Variants in DKKL1 observed in about 807,000 individuals in gnomAD.
The protein encoded by DKKL1 is dickkopf-like protein 1.
In DKKL1, 11 loss-of-function variants were observed where a neutral mutation model predicts 16.5. The observed-to-expected ratio is 0.67, with a 90% CI of 0.42 to 1.10. The LOEUF is 1.10. DKKL1 is among the 50% of genes least tolerant of loss of function. The pLI is 0.00. For synonymous variants in DKKL1, 119 were observed against 133.2 expected, an observed-to-expected ratio of 0.89 and a Z score of 0.73; for missense variants, 320 against 308.1, an observed-to-expected ratio of 1.04 and a Z score of -0.29.
chr19:49,360,727 AGAGAGGGG>A (rs1972791460), upstream of DKKL1, among the ~76,000 whole-genome samples: 1 of 135,860 alleles, frequency 7.4e-6, no homozygotes, highest in African/African-American at 2.8e-5. Context: ...GGAGGTCTAG[AGAGAGGGG>A]GACAGAGACC....
At position 49,363,978 on chromosome 19, in the gene DKKL1, G is replaced by T. The variant is rs747189365; in HGVS notation, c.-21G>T. 3.9e-5 allele frequency: 63 copies of T among 1,613,014 alleles called. No individual in the cohort carries two copies. The South Asian group carries it at 6.5e-4, about 17-fold the overall frequency. ...GGCTGTGGTCTAGCATAAAGGCGGA[G>T]CCCAGAAGAAGGGGCGGGGTATGGG... On this transcript the variant is annotated 5_prime_UTR_variant, in exon 1 of 5. Coordinates refer to ENST00000221498, the MANE Select transcript of DKKL1 (RefSeq NM_014419.4).
In DKKL1 at chr19:49,374,855, G is replaced by A. The variant is rs147961814; in HGVS notation, c.556G>A (p.Gly186Ser). Residue 186 changes from glycine to serine, a missense_variant, in exon 5 of 5, where the codon GGC becomes AGC. Gly to Ser is a moderately conservative substitution (Grantham distance 56). Coordinates refer to ENST00000221498, the MANE Select transcript of DKKL1 (RefSeq NM_014419.4). Reference sequence around the variant, plus strand: ...GAGGTCCCACCAGGATGCCCTGGAGGGCGGCCACTGGCTCAGCGAGAAGCG... The same window carrying A: ...GAGGTCCCACCAGGATGCCCTGGAGAGCGGCCACTGGCTCAGCGAGAAGCG... The part of the protein sequence containing the change: ...RRRSHQDALE[G>S]GHWLSEKRHR... 62 of 1,613,814 alleles carry A rather than the reference G, an allele frequency of 3.8e-5. 1 individual carries two copies. In the African/African-American group the frequency reaches 7.6e-4, roughly 20 times the overall value.
At chr19:49,362,113 C>T (rs1600816888), upstream of DKKL1, among the ~76,000 whole-genome samples, 1 of 152,284 alleles carries the variant, frequency 6.6e-6, no homozygotes, top group East Asian at 1.9e-4. Flanking sequence ...CACACCCCGC[C>T]AGCGCCCTTG....
chr19:49,366,896 C>T (rs1309936283), intron 4 of DKKL1, among the ~76,000 whole-genome samples: 5 of 151,814 alleles, frequency 3.3e-5, no homozygotes, highest in East Asian at 1.9e-4. Context: ...TTAGTAGAGA[C>T]GGGGTTTCGC....
At chr19:49,369,538 G>A (rs1973392076) in intron 4 of DKKL1, 1 of 152,156 alleles carries the variant, frequency 6.6e-6, no homozygotes, top group Non-Finnish European at 1.5e-5. Flanking sequence ...CTGGCTTAGA[G>A]AACCAGGAGA....
rs555988882 is a variant in DKKL1 at position 49,372,494 on chromosome 19, C to G, written c.418-2223C>G. ...AGATCATGAGATCAGGATATCAAGA[C>G]CATCCTGGCTAATGCGGTGAAATCC... On this transcript the variant is annotated intron_variant, in intron 4 of 4. Transcript: ENST00000221498. Among the ~76,000 whole-genome samples the G allele has an allele frequency of 2.6e-5, 4 of 151,172 alleles. No individual in the cohort carries two copies. The South Asian group carries it at 6.3e-4, about 24-fold the overall frequency.
chr19:49,363,871 T>C (rs1973123164), upstream of DKKL1: 11 of 1,375,058 alleles, frequency 8.0e-6, no homozygotes, highest in South Asian at 1.3e-5. Flanking sequence ...ACCAACGCTC[T>C]AGACCAGACC....
At chr19:49,372,988 C>T (rs142315297) in intron 4 of DKKL1, among the ~76,000 whole-genome samples, 5,257 of 150,242 alleles carry the variant, frequency 0.035, 281 homozygotes, top group African/African-American at 0.12. Context: ...GCAACAAGAG[C>T]GAAACTCCAT....
chr19:49,375,003 T>A lies in DKKL1; in HGVS notation c.704T>A (p.Ile235Asn). The A allele has an allele frequency of 1.2e-6, 2 of 1,610,588 alleles. No individual in the cohort carries two copies. ...CCCCGAAAGACCCACTTACTGTACA[T>A]CCTCAGGCCCTCTCGGCAGCTGTAG... is the stretch of plus-strand genomic sequence containing the variant. ...LSPRKTHLLYILRPSRQL is the reference protein window; with the variant it reads ...LSPRKTHLLYNLRPSRQL The change falls in exon 5 of 5, where the codon ATC (isoleucine) becomes AAC (asparagine). Residue 235 changes from isoleucine (I) to asparagine (N), a missense_variant. Transcript: ENST00000221498.
chr19:49,365,569 C>G lies in DKKL1; in HGVS notation c.244C>G (p.Pro82Ala). Residue 82 changes from proline to alanine, a missense_variant, in exon 3 of 5, where the codon CCT (proline) becomes GCT (alanine). Coordinates refer to ENST00000221498, the MANE Select transcript of DKKL1 (RefSeq NM_014419.4). ...TGCCCCCATGGACTTCCGGGGCCTC[C>G]CTGGGAACTACCACAAAGAGGAGAA... ...FSAPMDFRGL[P>A]GNYHKEENQE... 1.2e-6 allele frequency: 2 copies of G among 1,613,930 alleles called. No individual in the cohort carries two copies. Among genetic ancestry groups the G allele is most frequent in the Non-Finnish European group, 1.7e-6 (2 of 1,179,936 alleles).
intron 4 of DKKL1, among the ~76,000 whole-genome samples, chr19:49,372,978 G>A (rs1196097684): frequency 6.6e-6 from 1 of 151,784 alleles, no homozygotes; most frequent in Admixed American, 6.6e-5. Context: ...TACAGCCTGG[G>A]CAACAAGAGC....
intron 4 of DKKL1, among the ~76,000 whole-genome samples, chr19:49,372,443 C>T (rs1973531831): frequency 6.6e-6 from 1 of 152,164 alleles, no homozygotes; most frequent in Non-Finnish European, 1.5e-5. Flanking sequence ...CCTGTAATCC[C>T]AGCACTTTGG....
upstream of DKKL1, among the ~76,000 whole-genome samples, chr19:49,362,921 T>TG (rs1973056856): frequency 3.1e-5 from 4 of 130,712 alleles, no homozygotes; most frequent in South Asian, 2.2e-4. Flanking sequence ...GTTTTTTTGT[T>TG]TTTTGTTTTT....
chr19:49,363,940 G>A lies in DKKL1; in HGVS notation c.-59G>A. 6.2e-7 allele frequency: 1 copy of A among 1,606,232 alleles called. No homozygotes were observed. Among genetic ancestry groups the A allele is most frequent in the Non-Finnish European group, 8.5e-7 (1 of 1,176,150 alleles). On this transcript the variant is annotated 5_prime_UTR_variant, in exon 1 of 5. Coordinates refer to ENST00000221498, the MANE Select transcript of DKKL1 (RefSeq NM_014419.4). ...GTACGTGGGCGGCCGGAATCCGGGAGTCCGGTGACCCGGGCTGTGGTCTAG... is the reference window on the plus strand; with the variant it reads ...GTACGTGGGCGGCCGGAATCCGGGAATCCGGTGACCCGGGCTGTGGTCTAG...
intron 4 of DKKL1, chr19:49,369,197 G>A (rs1424452539): frequency 6.6e-6 from 1 of 152,034 alleles, no homozygotes; most frequent in African/African-American, 2.4e-5. Context: ...TTGTCTGAAT[G>A]CTAATTTTTC....
chr19:49,373,800 C>A (rs930241969), intron 4 of DKKL1, among the ~76,000 whole-genome samples: 1 of 152,034 alleles, frequency 6.6e-6, no homozygotes, highest in African/African-American at 2.4e-5. Flanking sequence ...TAACAATCTC[C>A]TGCGCGGCTT....
upstream of DKKL1, among the ~76,000 whole-genome samples, chr19:49,360,828 AGGGGACAGAGACCAGAGAGAGAG>A (rs1972818574): frequency 2.2e-5 from 2 of 90,200 alleles, no homozygotes; most frequent in Admixed American, 1.2e-4. Flanking sequence ...CAGAGAGAGA[AGGGGACAGAGACCAGAGAGAGAG>A]GGGGACAGAG....
At chr19:49,361,591 G>T (rs555924578), upstream of DKKL1, 45 of 152,242 alleles carry the variant, frequency 3.0e-4, no homozygotes, top group African/African-American at 1.1e-3. Flanking sequence ...CTCCCCTCCG[G>T]CACCGGGCCC....
chr19:49,373,766 G>C (rs1433618306), intron 4 of DKKL1, among the ~76,000 whole-genome samples: 1 of 152,042 alleles, frequency 6.6e-6, no homozygotes, highest in Non-Finnish European at 1.5e-5. Flanking sequence ...ACCGCGTCCA[G>C]CCAGGAGGAA....
Sources: allele counts gnomAD v4.1 joint callset (sites outside exome capture counted in the v4.1 genomes callset), GRCh38; gene constraint gnomAD v4.1.1; transcripts MANE v1.5; gene names NCBI Gene and HGNC (gene_info 2026-07-23, HGNC 2026-07-21).